Variants in RGN observed in about 807,000 individuals in gnomAD.
RGN encodes the protein regucalcin.
RGN carries 19 observed loss-of-function variants against 20.6 expected under a neutral mutation model. The ratio of observed to expected loss-of-function variants is 0.92; its 90% CI spans 0.64 to 1.35. RGN has a LOEUF of 1.35. RGN is among the 40% of genes most tolerant of loss of function. RGN has a pLI of 0.00. For synonymous variants in RGN, 85 were observed against 87.2 expected (o/e 0.97, Z 0.14); for missense variants, 302 against 232.7 (o/e 1.30, Z -1.94).
intron 4 of RGN, chrX:47,084,937 A>C: frequency 5.3e-6 from 1 of 188,232 alleles, no homozygotes; most frequent in East Asian, 1.0e-4. Flanking sequence ...CCTGGGTGAC[A>C]GAGTGAGACC....
In RGN at chrX:47,091,683, C is replaced by T. The variant is rs782050680; in HGVS notation, c.568C>T (p.Arg190Cys). Residue 190 changes from arginine (R) to cysteine (C), a missense_variant, in exon 6 of 8, where the codon CGC (arginine) becomes TGC (cysteine). Coordinates refer to ENST00000397180, the MANE Select transcript of RGN (RefSeq NM_152869.4). ...TTTTTGCCTTTTAACCATAGCCAAC[C>T]GCAGAAGTGTTTACAAGCTAGAAAA... ...YDLQTGQISN[R>C]RSVYKLEKEE... 3.3e-6 allele frequency: 4 copies of T among 1,206,256 alleles called. No homozygotes were observed. Among genetic ancestry groups the T allele is most frequent in the Non-Finnish European group, 4.5e-6 (4 of 893,651 alleles).
chrX:47,081,379 T>C, intron 3 of RGN, 72 bp downstream of exon 3: 1 of 989,904 alleles, frequency 1.0e-6, no homozygotes, highest in Admixed American at 2.3e-5. Context: ...CACGGCACCC[T>C]TCTTGTTAAA....
intron 5 of RGN, among the ~76,000 whole-genome samples, chrX:47,090,439 T>C (rs1206888118): frequency 9.2e-6 from 1 of 108,947 alleles, no homozygotes; most frequent in Non-Finnish European, 1.9e-5. Flanking sequence ...TAGTTAACCA[T>C]AGGCAAGTAC....
At chrX:47,079,310 A>AG (rs1267115351) in intron 1 of RGN, among the ~76,000 whole-genome samples, 2 of 108,621 alleles carry the variant, frequency 1.8e-5, no homozygotes, top group Non-Finnish European at 3.8e-5. Context: ...CTGCAGATGC[A>AG]GGCAGTTTGT....
chrX:47,093,061 TAA>T lies in RGN; in HGVS notation c.*115_*116del, dbSNP rs781811181. 8.5e-5 allele frequency: 49 copies of T among 575,494 alleles called. 1 individual carries two copies. Among genetic ancestry groups the T allele is most frequent in the East Asian group, 6.2e-4 (17 of 27,552 alleles). The allele number at this position is 575,494 out of a possible 1,213,427, so 47.4% of individuals were successfully genotyped here. A position where few individuals can be genotyped will look rare whatever the true frequency, so the allele number is the denominator to read the frequency against. On this transcript the variant is annotated 3_prime_UTR_variant, in exon 8 of 8. Transcript: ENST00000397180. ...GAGGCAATGATTTTATTAACAGCGT[TAA>T]GTTTTAATTTACAACTTTTAAAAGG...
Position 47,089,883 on chromosome X carries a change from A to G in RGN, c.454A>G (p.Ile152Val). 8.3e-7 allele frequency: 1 copy of G among 1,209,236 alleles called. No individual in the cohort carries two copies. Among genetic ancestry groups the G allele is most frequent in the East Asian group, 3.0e-5 (1 of 33,796 alleles). Reference sequence around the variant, plus strand: ...GAAAAAGTACTTTGACCAGGTGGACATTTCCAATGGTTTGGATTGGTCGCT... The same window carrying G: ...GAAAAAGTACTTTGACCAGGTGGACGTTTCCAATGGTTTGGATTGGTCGCT... ...HVKKYFDQVD[I>V]SNGLDWSLDH... The change falls in exon 5 of 8, where the codon ATT becomes GTT. Residue 152 changes from isoleucine to valine, a missense_variant. Physicochemically the swap from Ile to Val is conservative, Grantham distance 29. Coordinates refer to ENST00000397180, the MANE Select transcript of RGN (RefSeq NM_152869.4).
At chrX:47,090,963 A>AGAAGGAAGGAAG in intron 5 of RGN, among the ~76,000 whole-genome samples, 1 of 101,634 alleles carries the variant, frequency 9.8e-6, no homozygotes, top group African/African-American at 3.7e-5. Context: ...AAAGAAAGAA[A>AGAAGGAAGGAAG]GAAAGAAAGA....
intron 4 of RGN, among the ~76,000 whole-genome samples, chrX:47,086,196 G>T (rs1310347411): frequency 9.0e-6 from 1 of 110,673 alleles, no homozygotes; most frequent in Non-Finnish European, 1.9e-5. Flanking sequence ...TTTAGTATTT[G>T]TCTAGTGTTT....
chrX:47,083,225 C>A (rs1269843166), intron 3 of RGN, among the ~76,000 whole-genome samples: 1 of 109,662 alleles, frequency 9.1e-6, no homozygotes, highest in South Asian at 3.9e-4. Flanking sequence ...CATGGTGAAA[C>A]CGTGTCTCTA....
chrX:47,089,223 G>A (rs1930761693), intron 4 of RGN, among the ~76,000 whole-genome samples: 1 of 40,924 alleles, frequency 2.4e-5, no homozygotes, highest in Non-Finnish European at 5.2e-5. Flanking sequence ...TTTTATCCAG[G>A]TTTTATAGCT....
At chrX:47,079,368 GTT>G (rs1345395928) in intron 1 of RGN, among the ~76,000 whole-genome samples, 5 of 25,753 alleles carry the variant, frequency 1.9e-4, no homozygotes, top group African/African-American at 4.4e-4. Flanking sequence ...TTTTTTTTTT[GTT>G]TTGTTTTGGT....
intron 4 of RGN, among the ~76,000 whole-genome samples, chrX:47,085,335 A>G (rs781832578): frequency 9.0e-6 from 1 of 110,982 alleles, no homozygotes; most frequent in Admixed American, 9.6e-5. Context: ...CCTGGCTAAC[A>G]CGGTGAAACC....
chrX:47,079,126 AT>A (rs1930167232), intron 1 of RGN, among the ~76,000 whole-genome samples: 1 of 108,126 alleles, frequency 9.2e-6, no homozygotes, highest in Admixed American at 1.0e-4. Flanking sequence ...AGCCCGGCTA[AT>A]TTTTTGTATT....
At position 47,089,838 on chromosome X, in the gene RGN, C is replaced by G. The variant is rs1556386592; in HGVS notation, c.409C>G (p.Leu137Val). The change falls in exon 5 of 8, where the codon CTC (leucine) becomes GTC (valine). Residue 137 changes from leucine (L) to valine (V), a missense_variant. Physicochemically the swap from Leu to Val is conservative, Grantham distance 32. Coordinates refer to ENST00000397180, the MANE Select transcript of RGN (RefSeq NM_152869.4). ...GCGGCACCAGGGGGCCCTGTACTCC[C>G]TCTTTCCTGATCACCACGTGAAAAA... ...LERHQGALYS[L>V]FPDHHVKKYF... The G allele has an allele frequency of 5.0e-6, 6 of 1,209,058 alleles. No individual in the cohort carries two copies. Among genetic ancestry groups the G allele is most frequent in the South Asian group, 3.5e-5 (2 of 56,849 alleles).
rs987409573 is a variant in RGN, at chrX:47,092,152, C to A, written c.786C>A (p.Cys262Ter). The change falls in exon 7 of 8, where the codon TGC (cysteine) becomes TGA (stop). Residue 262 changes from cysteine to a stop codon, truncating the protein, a stop_gained. Coordinates refer to ENST00000397180, the MANE Select transcript of RGN (RefSeq NM_152869.4). LOFTEE classifies it high-confidence loss of function. ...GKNYSEMYVT[C>*]ARDGMDPEGL... ...ATTACTCTGAAATGTATGTGACCTG[C>A]GCCCGGGATGGGATGGACCCCGAGG... The A allele has an allele frequency of 8.3e-7, 1 of 1,201,619 alleles. No individual in the cohort carries two copies. Among genetic ancestry groups the A allele is most frequent in the South Asian group, 1.8e-5 (1 of 55,409 alleles).
At chrX:47,082,507 C>T (rs1230579304) in intron 3 of RGN, among the ~76,000 whole-genome samples, 4 of 109,861 alleles carry the variant, frequency 3.6e-5, no homozygotes, top group Non-Finnish European at 7.6e-5. Context: ...GAGACAGGGT[C>T]TCCCTATATT....
chrX:47,087,431 GAT>G (rs1305094320), intron 4 of RGN: 1 of 111,865 alleles, frequency 8.9e-6, no homozygotes, highest in Non-Finnish European at 1.9e-5. Context: ...GCAAGATAAA[GAT>G]ATGTGATTGG....
Position 47,087,141 on chromosome X carries a change from A to G in RGN, c.346+2541A>G, listed in dbSNP as rs561920743. On this transcript the variant is annotated intron_variant, in intron 4 of 7. Coordinates refer to ENST00000397180, the MANE Select transcript of RGN (RefSeq NM_152869.4). ...TTTTATCTACAGTTTTAAATTAGAT[A>G]CTGCACTTCACATATATTTCTCATC... 4.5e-5 allele frequency among the ~76,000 whole-genome samples: 5 copies of G among 112,256 alleles called. No homozygotes were observed. The South Asian group carries it at 1.8e-3, about 41-fold the overall frequency.
chrX:47,089,342 T>A (rs781926384), intron 4 of RGN, among the ~76,000 whole-genome samples: 2 of 25,369 alleles, frequency 7.9e-5, no homozygotes, highest in South Asian at 2.1e-3. Context: ...AATTGTCATT[T>A]TATATATATA....
Sources: gnomAD v4.1 joint callset for allele counts (sites outside exome capture counted in the v4.1 genomes callset) on GRCh38, gnomAD v4.1.1 for gene constraint, MANE v1.5 for transcripts, NCBI Gene and HGNC (gene_info 2026-07-23, HGNC 2026-07-21) for gene names.